Variants in SSBP3 observed in about 807,000 individuals in gnomAD.
SSBP3 encodes single stranded DNA binding protein 3.
A neutral mutation model predicts 69.6 loss-of-function variants in SSBP3; 5 were observed. The ratio of observed to expected loss-of-function variants is 0.07; its 90% CI spans 0.04 to 0.15. The LOEUF (loss-of-function observed/expected upper bound fraction) is 0.15. Among genes scored for constraint, SSBP3 ranks in the 10% least tolerant of loss-of-function variants. The pLI, the probability that SSBP3 is intolerant of heterozygous loss-of-function variation, is 1.00. For synonymous variants in SSBP3, 196 were observed against 193.4 expected, an observed-to-expected ratio of 1.01 and a Z score of -0.11; for missense variants, 312 against 534.0, an observed-to-expected ratio of 0.58 and a Z score of 4.10.
At chr1:54,327,574 C>T (rs1342479413) in intron 4 of SSBP3, among the ~76,000 whole-genome samples, 1 of 152,082 alleles carries the variant, frequency 6.6e-6, no homozygotes, top group Non-Finnish European at 1.5e-5. Context: ...CTTTCTTTCC[C>T]TTTCTCTCTC....
At chr1:54,370,137 T>C (rs1382994893) in intron 4 of SSBP3, among the ~76,000 whole-genome samples, 2 of 152,176 alleles carry the variant, frequency 1.3e-5, no homozygotes, top group African/African-American at 2.4e-5. Flanking sequence ...CTTCAGTCAA[T>C]CACCATGCAC....
intron 4 of SSBP3, among the ~76,000 whole-genome samples, chr1:54,345,786 G>C (rs993028174): frequency 6.6e-6 from 1 of 152,040 alleles, no homozygotes; most frequent in Non-Finnish European, 1.5e-5. Flanking sequence ...CGGGCAGATT[G>C]CCTGAGCTCA....
At chr1:54,263,576 G>C (rs1645051663) in intron 5 of SSBP3, among the ~76,000 whole-genome samples, 1 of 152,234 alleles carries the variant, frequency 6.6e-6, no homozygotes, top group South Asian at 2.1e-4. Context: ...CCTTTACAAG[G>C]AAAGCAGGAG....
chr1:54,316,662 A>AAAAAT lies in SSBP3; in HGVS notation c.277-35136_277-35135insATTTT, dbSNP rs1557525261. Among the ~76,000 whole-genome samples the AAAAAT allele has an allele frequency of 1.9e-3, 49 of 26,472 alleles. 9 individuals are homozygous for AAAAAT. Among genetic ancestry groups the AAAAAT allele is most frequent in the African/African-American group, 8.2e-3 (47 of 5,734 alleles). 17.4% of individuals were successfully genotyped at this position (26,472 alleles called of 152,430 possible). A position where few individuals can be genotyped will look rare whatever the true frequency, so the allele number is the denominator to read the frequency against. On this transcript the variant is annotated intron_variant, in intron 4 of 17. Transcript: ENST00000610401. The stretch of plus-strand genomic sequence containing the variant: ...GACTCCGTCTCAAAAAAAAAAAATA[A>AAAAAT]AATAAATAAATAAATAAATAAATAA...
At chr1:54,374,243 C>T (rs749724746) in intron 4 of SSBP3, among the ~76,000 whole-genome samples, 3 of 152,194 alleles carry the variant, frequency 2.0e-5, no homozygotes, top group Non-Finnish European at 2.9e-5. Context: ...CGGCAGCCCA[C>T]GGCGTGTTGG....
At position 54,390,081 on chromosome 1, in the gene SSBP3, T is replaced by C. The variant is rs371055712; in HGVS notation, c.276+11780A>G. 2.1e-3 allele frequency among the ~76,000 whole-genome samples: 327 copies of C among 152,232 alleles called. 1 individual carries two copies. Among genetic ancestry groups the C allele is most frequent in the African/African-American group, 7.6e-3 (315 of 41,534 alleles). On this transcript the variant is annotated intron_variant, in intron 4 of 17. Coordinates refer to ENST00000610401, the Ensembl canonical transcript of SSBP3. ...TGCCTGGCATACGGTTAGCACTCAATAATTGTTTGCTATTGTTATCAGTTC... is the reference window on the plus strand; with the variant it reads ...TGCCTGGCATACGGTTAGCACTCAACAATTGTTTGCTATTGTTATCAGTTC...
chr1:54,298,710 CCT>C (rs1277539788), intron 4 of SSBP3, among the ~76,000 whole-genome samples: 1 of 152,112 alleles, frequency 6.6e-6, no homozygotes, highest in East Asian at 1.9e-4. Flanking sequence ...TCACTCTCTC[CCT>C]GACCCCTTCC....
intron 4 of SSBP3, among the ~76,000 whole-genome samples, chr1:54,390,184 C>T (rs1473538652): frequency 6.6e-6 from 1 of 152,160 alleles, no homozygotes; most frequent in Non-Finnish European, 1.5e-5. Flanking sequence ...TTTTAAGGGT[C>T]TGAACACATA....
intron 4 of SSBP3, among the ~76,000 whole-genome samples, chr1:54,367,708 AG>A (rs1647051387): frequency 6.6e-6 from 1 of 152,164 alleles, no homozygotes; most frequent in African/African-American, 2.4e-5. Flanking sequence ...GAGCAACACT[AG>A]GAAGTAAAAC....
At chr1:54,260,108 A>G (rs1644992661) in intron 5 of SSBP3, among the ~76,000 whole-genome samples, 1 of 152,224 alleles carries the variant, frequency 6.6e-6, no homozygotes, top group Admixed American at 6.5e-5. Flanking sequence ...TGAAGGCGGG[A>G]CATATTTGCA....
chr1:54,366,623 T>C (rs1435244194), intron 4 of SSBP3, among the ~76,000 whole-genome samples: 2 of 152,222 alleles, frequency 1.3e-5, no homozygotes, highest in African/African-American at 4.8e-5. Flanking sequence ...TAGTTATACC[T>C]GGTACCAGGA....
At chr1:54,308,776 A>G (rs1430751146) in intron 4 of SSBP3, among the ~76,000 whole-genome samples, 1 of 149,698 alleles carries the variant, frequency 6.7e-6, no homozygotes, top group African/African-American at 2.4e-5. Flanking sequence ...TCAAAAAAAA[A>G]GAAGAAGAAG....
In SSBP3 at chr1:54,386,683, C is replaced by CTTTTTTTTTTTTTTT. The variant is rs58429798; in HGVS notation, c.276+15163_276+15177dup. 5.5e-3 allele frequency among the ~76,000 whole-genome samples: 417 copies of CTTTTTTTTTTTTTTT among 76,042 alleles called. 63 individuals are homozygous for CTTTTTTTTTTTTTTT. The highest frequency in any genetic ancestry group is 6.1e-3 in the Non-Finnish European group (259 of 42,356). The allele number at this position is 76,042 out of a possible 152,430, so 49.9% of individuals were successfully genotyped here. A position where few individuals can be genotyped will look rare whatever the true frequency, so the allele number is the denominator to read the frequency against. ...ATCCACAATGTATAAACTGATCCTA[C>CTTTTTTTTTTTTTTT]TTTTTTTTTTTTTTTTTTTTTAAGA... is the stretch of plus-strand genomic sequence containing the variant. On this transcript the variant is annotated intron_variant, in intron 4 of 17. Transcript: ENST00000610401.
At chr1:54,397,151 T>C (rs2100793900) in intron 4 of SSBP3, among the ~76,000 whole-genome samples, 1 of 152,352 alleles carries the variant, frequency 6.6e-6, no homozygotes, top group Middle Eastern at 3.4e-3. Context: ...GCCGTGAACT[T>C]GCCAGGACCT....
At chr1:54,281,604 C>A (rs1645393930) in intron 4 of SSBP3, 77 bp from the exon 5 acceptor site, 1 of 1,331,228 alleles carries the variant, frequency 7.5e-7, no homozygotes, top group Non-Finnish European at 1.1e-6. Context: ...CTGGACTTGG[C>A]TCTCCCTGTC....
Position 54,251,699 on chromosome 1 carries a change from G to A in SSBP3, c.575-7C>T. On this transcript the variant is annotated splice_region_variant and splice_polypyrimidine_tract_variant and intron_variant, in intron 8 of 17. Coordinates refer to ENST00000610401, the Ensembl canonical transcript of SSBP3. ...CCTCCCATGTTGGGGTGGCCTGCGT[G>A]AGAGAGGAGGCGCGTCATGGGATGG... The A allele has an allele frequency of 6.4e-7, 1 of 1,564,320 alleles. No individual in the cohort carries two copies. The highest frequency in any genetic ancestry group is 1.9e-5 in the Admixed American group (1 of 52,522).
chr1:54,229,849 G>A (rs1266408782), intron 14 of SSBP3, among the ~76,000 whole-genome samples: 1 of 152,168 alleles, frequency 6.6e-6, no homozygotes, highest in African/African-American at 2.4e-5. Context: ...CCAGCCCAGA[G>A]GAGCAGCTCA....
chr1:54,358,971 G>A (rs1438747146), intron 4 of SSBP3, among the ~76,000 whole-genome samples: 1 of 152,046 alleles, frequency 6.6e-6, no homozygotes, highest in African/African-American at 2.4e-5. Context: ...TCTTCCACCC[G>A]CCACACTTCT....
intron 4 of SSBP3, among the ~76,000 whole-genome samples, chr1:54,330,788 A>G (rs1441523592): frequency 6.6e-6 from 1 of 152,228 alleles, no homozygotes; most frequent in Non-Finnish European, 1.5e-5. Flanking sequence ...ACCCACGTCA[A>G]AACCAGGCAG....
Sources: allele counts gnomAD v4.1 joint callset (sites outside exome capture counted in the v4.1 genomes callset), GRCh38; gene constraint gnomAD v4.1.1; transcripts MANE v1.5; gene names NCBI Gene and HGNC (gene_info 2026-07-23, HGNC 2026-07-21).